Variants in COBL observed in about 807,000 individuals in gnomAD.
COBL encodes the protein protein cordon-bleu.
COBL carries 51 observed loss-of-function variants against 98.8 expected under a neutral mutation model. The ratio of observed to expected loss-of-function variants is 0.52; its 90% CI spans 0.41 to 0.65. The LOEUF is 0.65. Among genes scored for constraint, COBL ranks in the 30% least tolerant of loss-of-function variants. The pLI, the probability that COBL is intolerant of heterozygous loss-of-function variation, is 0.00. For synonymous variants in COBL, 634 were observed against 651.7 expected (o/e 0.97, Z 0.41); for missense variants, 1,617 against 1,617.5 (o/e 1.00, Z 0.01).
intron 1 of COBL, among the ~76,000 whole-genome samples, chr7:51,226,595 T>C (rs1222220122): frequency 1.3e-5 from 2 of 151,898 alleles, no homozygotes; most frequent in African/African-American, 4.8e-5. Flanking sequence ...AGGGAGTGAG[T>C]TGGGATTCAG....
chr7:51,063,195 C>T (rs1384548915), intron 7 of COBL, among the ~76,000 whole-genome samples: 1 of 150,164 alleles, frequency 6.7e-6, no homozygotes, highest in Non-Finnish European at 1.5e-5. Context: ...AGTACAATGG[C>T]GTGATCTTGG....
At chr7:51,107,070 T>G (rs1205658794) in intron 6 of COBL, among the ~76,000 whole-genome samples, 1 of 151,344 alleles carries the variant, frequency 6.6e-6, no homozygotes, top group Non-Finnish European at 1.5e-5. Context: ...CTTAACACTT[T>G]TTTTGTGATC....
At chr7:51,265,155 CTG>C (rs1399125963) in intron 1 of COBL, among the ~76,000 whole-genome samples, 3 of 152,228 alleles carry the variant, frequency 2.0e-5, no homozygotes, top group African/African-American at 7.2e-5. Flanking sequence ...TGACACCTTT[CTG>C]TGTGTGTTCC....
At chr7:51,064,620 G>A (rs1476228165) in intron 7 of COBL, 1 of 152,572 alleles carries the variant, frequency 6.6e-6, no homozygotes, top group Admixed American at 6.5e-5. Flanking sequence ...AGCAGGCAAA[G>A]GGGAGTTGCT....
chr7:51,233,895 T>C (rs1333642220), intron 1 of COBL, among the ~76,000 whole-genome samples: 1 of 152,226 alleles, frequency 6.6e-6, no homozygotes, highest in African/African-American at 2.4e-5. Context: ...CCAGACTGTG[T>C]TATTTATTAC....
In COBL at chr7:51,027,904, T is replaced by C; in HGVS notation, c.3192A>G (p.Leu1064=). Residue 1064 remains leucine, a synonymous_variant, in exon 10 of 13, where the codon CTA becomes CTG. Transcript: ENST00000265136. The stretch of plus-strand genomic sequence containing the variant: ...ACACACTGGGCTTTTCCTCTCTTTC[T>C]AGGAGAATGTGGCTTTCTGTGCCAG... ...GGSGTESHIL[L]EREEKPSVFS... 2 of 1,614,184 alleles carry C rather than the reference T, an allele frequency of 1.2e-6. No homozygotes were observed. The highest frequency in any genetic ancestry group is 2.2e-5 in the East Asian group (1 of 44,870).
chr7:51,199,781 G>GAA (rs770599076), intron 2 of COBL, among the ~76,000 whole-genome samples: 1 of 112,672 alleles, frequency 8.9e-6, no homozygotes, highest in African/African-American at 3.3e-5. Context: ...CCAGTTAGAA[G>GAA]AAAAAAAAAA....
intron 7 of COBL, chr7:51,072,795 A>G (rs1157770823): frequency 6.6e-6 from 1 of 152,272 alleles, no homozygotes; most frequent in Non-Finnish European, 1.5e-5. Flanking sequence ...ACACAGTAAC[A>G]GGAAAACCTC....
intron 5 of COBL, among the ~76,000 whole-genome samples, chr7:51,173,305 C>T (rs1345019491): frequency 1.3e-5 from 2 of 151,990 alleles, no homozygotes; most frequent in African/African-American, 4.8e-5. Flanking sequence ...CTCAGCCTCC[C>T]GAGTAGCTGG....
chr7:51,092,330 C>T (rs1029849054), intron 6 of COBL, among the ~76,000 whole-genome samples: 3 of 152,204 alleles, frequency 2.0e-5, no homozygotes, highest in Non-Finnish European at 2.9e-5. Context: ...AAAGTGAAGT[C>T]GACTCATTCA....
intron 4 of COBL, among the ~76,000 whole-genome samples, chr7:51,184,876 G>A (rs913539616): frequency 2.0e-5 from 3 of 152,170 alleles, no homozygotes; most frequent in Admixed American, 1.3e-4. Flanking sequence ...CAGCTTTCCT[G>A]CTCATTTCCA....
intron 7 of COBL, among the ~76,000 whole-genome samples, chr7:51,051,811 C>T (rs1790264051): frequency 6.6e-6 from 1 of 152,106 alleles, no homozygotes; most frequent in African/African-American, 2.4e-5. Flanking sequence ...ATAGGGTGGC[C>T]AGTTTTTCTC....
At chr7:51,147,399 T>A (rs1785128591) in intron 5 of COBL, among the ~76,000 whole-genome samples, 1 of 152,222 alleles carries the variant, frequency 6.6e-6, no homozygotes, top group East Asian at 1.9e-4. Flanking sequence ...AAGGGTACAC[T>A]CACCAGCAGT....
At chr7:51,125,519 A>T (rs11770308) in intron 6 of COBL, among the ~76,000 whole-genome samples, 66,324 of 152,032 alleles carry the variant, frequency 0.44, 14,794 homozygotes, top group Middle Eastern at 0.67. Flanking sequence ...TAAAAATTCA[A>T]ACTATGATCT....
At chr7:51,253,949 T>C (rs941170510) in intron 1 of COBL, among the ~76,000 whole-genome samples, 4 of 152,216 alleles carry the variant, frequency 2.6e-5, no homozygotes, top group Middle Eastern at 3.2e-3. Context: ...TTTCTGAATA[T>C]ATAAAAACTT....
chr7:51,225,175 C>T (rs186972992), intron 1 of COBL, among the ~76,000 whole-genome samples: 1 of 152,320 alleles, frequency 6.6e-6, no homozygotes, highest in East Asian at 1.9e-4. Context: ...GCTTCCTCTG[C>T]CTGTGAGTGG....
Position 51,080,452 on chromosome 7 carries a change from T to C in COBL, c.1096+4714A>G, listed in dbSNP as rs141016735. ...GTGGCAGAAGAGAAGTGCAGGGTGA[T>C]GGATGAAGCAAAGATTGAGAGTCCG... On this transcript the variant is annotated intron_variant, in intron 7 of 12. Transcript: ENST00000265136. 3.7e-3 allele frequency among the ~76,000 whole-genome samples: 565 copies of C among 152,174 alleles called. 4 individuals carry two copies. Among genetic ancestry groups the C allele is most frequent in the African/African-American group, 0.013 (546 of 41,522 alleles).
At chr7:51,126,740 C>G (rs1028719411) in intron 6 of COBL, among the ~76,000 whole-genome samples, 2 of 152,132 alleles carry the variant, frequency 1.3e-5, no homozygotes, top group Non-Finnish European at 2.9e-5. Context: ...CCCAGAGGAT[C>G]TGCCTGGCTT....
At chr7:51,260,435 T>TA (rs1797610245) in intron 1 of COBL, among the ~76,000 whole-genome samples, 1 of 152,236 alleles carries the variant, frequency 6.6e-6, no homozygotes, top group Non-Finnish European at 1.5e-5. Context: ...GGATAGATTC[T>TA]AAACATCCAC....
Sources: allele counts gnomAD v4.1 joint callset (sites outside exome capture counted in the v4.1 genomes callset), GRCh38; gene constraint gnomAD v4.1.1; transcripts MANE v1.5; gene names NCBI Gene and HGNC (gene_info 2026-07-23, HGNC 2026-07-21).